Variants in PRR5L observed in about 807,000 individuals in gnomAD.
PRR5L encodes the protein proline-rich protein 5-like.
A neutral mutation model predicts 36.4 loss-of-function variants in PRR5L; 21 were observed. The ratio of observed to expected loss-of-function variants is 0.58; its 90% confidence interval spans 0.41 to 0.83. The LOEUF (loss-of-function observed/expected upper bound fraction) is 0.83, where lower values mean the gene tolerates loss of function less well. Among genes scored for constraint, PRR5L ranks in the 40% least tolerant of loss-of-function variants. The pLI, the probability that PRR5L is intolerant of heterozygous loss-of-function variation, is 0.00. For synonymous variants in PRR5L, 188 were observed against 197.0 expected, an observed-to-expected ratio of 0.95 and a Z score of 0.38; for missense variants, 381 against 473.3, an observed-to-expected ratio of 0.80 and a Z score of 1.81.
At chr11:36,418,752 C>A (rs574776980) in intron 3 of PRR5L, among the ~76,000 whole-genome samples, 3 of 151,938 alleles carry the variant, frequency 2.0e-5, no homozygotes, top group African/African-American at 7.3e-5. Context: ...GCCAAGATTG[C>A]GCCACTGCAC....
intron 1 of PRR5L, among the ~76,000 whole-genome samples, chr11:36,378,229 T>G (rs1376361927): frequency 1.3e-5 from 2 of 152,314 alleles, no homozygotes; most frequent in South Asian, 4.1e-4. Context: ...GAAACTAATT[T>G]AGCCACATTT....
chr11:36,350,918 A>T (rs1232486823), intron 1 of PRR5L, among the ~76,000 whole-genome samples: 3 of 58,346 alleles, frequency 5.1e-5, no homozygotes, highest in African/African-American at 2.4e-4. Context: ...ATATATATAT[A>T]TTTATATATA....
At chr11:36,319,587 C>T (rs1488692509) in intron 1 of PRR5L, among the ~76,000 whole-genome samples, 2 of 152,040 alleles carry the variant, frequency 1.3e-5, no homozygotes. Flanking sequence ...AGCTGTGTTC[C>T]AGTAAAACTA....
At position 36,402,938 on chromosome 11, in the gene PRR5L, A is replaced by G. The variant is rs144304714; in HGVS notation, c.165-360A>G. Among the ~76,000 whole-genome samples the G allele has an allele frequency of 3.9e-5, 6 of 152,354 alleles. No individual in the cohort carries two copies. In the East Asian group the frequency reaches 1.2e-3, roughly 29 times the overall value. ...AAGACAGTGGCTGTGAAAGAACCGC[A>G]GGCATGGGTCAGCTTCTGCTTGCAG... On this transcript the variant is annotated intron_variant, in intron 2 of 8. Transcript: ENST00000530639.
intron 1 of PRR5L, among the ~76,000 whole-genome samples, chr11:36,373,680 A>T (rs1857220356): frequency 6.6e-6 from 1 of 152,184 alleles, no homozygotes; most frequent in Admixed American, 6.5e-5. Context: ...TAACCTCTTT[A>T]AACTTCCCTT....
At chr11:36,302,494 A>G (rs867325250) in intron 1 of PRR5L, among the ~76,000 whole-genome samples, 2 of 152,166 alleles carry the variant, frequency 1.3e-5, no homozygotes, top group African/African-American at 4.8e-5. Context: ...TTTCAGAAAG[A>G]TGCTGGCTCA....
intron 4 of PRR5L, among the ~76,000 whole-genome samples, chr11:36,421,720 T>C (rs1858269631): frequency 6.6e-6 from 1 of 152,170 alleles, no homozygotes; most frequent in South Asian, 2.1e-4. Flanking sequence ...TTTTAGGCGA[T>C]GCGTGCAATG....
intron 1 of PRR5L, chr11:36,321,262 G>A (rs1856611100): frequency 6.6e-6 from 1 of 152,164 alleles, no homozygotes; most frequent in African/African-American, 2.4e-5. Flanking sequence ...TCTGCCTTCT[G>A]TAGGGATCAT....
At chr11:36,432,752 C>T (rs1858527840) in intron 5 of PRR5L, among the ~76,000 whole-genome samples, 1 of 152,136 alleles carries the variant, frequency 6.6e-6, no homozygotes, top group African/African-American at 2.4e-5. Context: ...CCTAATGAAC[C>T]GTAGATCAAA....
rs1858239140 is a variant in PRR5L at position 36,420,454 on chromosome 11, C to CG, written c.294+1151_294+1152insG. On this transcript the variant is annotated intron_variant, in intron 4 of 8. Transcript: ENST00000530639. ...CAAGTTGCTTTACCTCTCTGTATTT[C>CG]CTTTTCTGTGAAACAGCAGTAATAG... 5.3e-5 allele frequency among the ~76,000 whole-genome samples: 8 copies of CG among 152,264 alleles called. No homozygotes were observed. In the South Asian group the frequency reaches 1.7e-3, roughly 32 times the overall value.
intron 1 of PRR5L, among the ~76,000 whole-genome samples, chr11:36,366,398 TTG>T (rs143292163): frequency 3.5e-5 from 5 of 142,638 alleles, no homozygotes; most frequent in Non-Finnish European, 3.2e-5. Context: ...AATTCCATAT[TTG>T]TGTGTGTGTG....
At chr11:36,444,488 A>G (rs771241969) in intron 6 of PRR5L, among the ~76,000 whole-genome samples, 4 of 152,262 alleles carry the variant, frequency 2.6e-5, no homozygotes, top group Non-Finnish European at 4.4e-5. Context: ...AATGTTTTAT[A>G]ATATAAATAC....
chr11:36,410,477 A>G (rs924920231), intron 3 of PRR5L, among the ~76,000 whole-genome samples: 2 of 152,138 alleles, frequency 1.3e-5, no homozygotes, highest in African/African-American at 2.4e-5. Flanking sequence ...GGATCTACCA[A>G]TGTATGGCCC....
chr11:36,407,077 G>A (rs923063485), intron 3 of PRR5L, among the ~76,000 whole-genome samples: 1 of 152,174 alleles, frequency 6.6e-6, no homozygotes, highest in Non-Finnish European at 1.5e-5. Context: ...ATAAATATTA[G>A]CCATATGATT....
chr11:36,333,933 A>C (rs1178487527), intron 1 of PRR5L, among the ~76,000 whole-genome samples: 1 of 152,232 alleles, frequency 6.6e-6, no homozygotes, highest in Non-Finnish European at 1.5e-5. Context: ...GAGCTGTCCA[A>C]GGCTAGTAAA....
intron 1 of PRR5L, among the ~76,000 whole-genome samples, chr11:36,339,927 G>A (rs1294839647): frequency 6.6e-6 from 1 of 152,154 alleles, no homozygotes; most frequent in African/African-American, 2.4e-5. Context: ...CCAGCCCTCT[G>A]TCCCTCCCTC....
At chr11:36,362,813 G>T (rs192348919) in intron 1 of PRR5L, among the ~76,000 whole-genome samples, 5 of 152,280 alleles carry the variant, frequency 3.3e-5, no homozygotes, top group Admixed American at 2.0e-4. Context: ...GCGACAGACA[G>T]GTAAACTGAT....
intron 1 of PRR5L, among the ~76,000 whole-genome samples, chr11:36,387,823 G>A (rs1047726851): frequency 8.5e-5 from 13 of 152,192 alleles, no homozygotes; most frequent in African/African-American, 2.7e-4. Context: ...GTAGAATAAA[G>A]GTCACAAACC....
intron 8 of PRR5L, among the ~76,000 whole-genome samples, chr11:36,459,157 C>T (rs9630173): frequency 0.1 from 15,614 of 152,210 alleles, 1,287 homozygotes; most frequent in African/African-American, 0.23. Context: ...GACCATCCCA[C>T]GCCTCTGCCT....
Sources: gnomAD v4.1 joint callset for allele counts (sites outside exome capture counted in the v4.1 genomes callset) on GRCh38, gnomAD v4.1.1 for gene constraint, MANE v1.5 for transcripts, NCBI Gene and HGNC (gene_info 2026-07-23, HGNC 2026-07-21) for gene names.